PTPRT: variants seen among roughly 807,000 people sequenced by gnomAD.
PTPRT encodes receptor-type tyrosine-protein phosphatase T.
A neutral mutation model predicts 176.8 loss-of-function variants in PTPRT; 56 were observed. That is an observed-to-expected ratio of 0.32 (90% CI 0.26 to 0.40). The LOEUF (loss-of-function observed/expected upper bound fraction) is 0.40, where lower values mean the gene tolerates loss of function less well. Ranked by LOEUF, PTPRT falls within the 10% of genes least tolerant of loss-of-function variation. The pLI, the probability that PTPRT is intolerant of heterozygous loss-of-function variation, is 1.00. For missense variants in PTPRT, 1,540 were observed against 1,908.2 expected (o/e 0.81, Z 3.60); for synonymous variants, 783 against 739.0 (o/e 1.06, Z -0.96).
intron 30 of PTPRT, 33 bp from the exon 31 acceptor site, chr20:42,080,965 G>A (rs1185872869): frequency 2.7e-6 from 4 of 1,503,594 alleles, no homozygotes; most frequent in African/African-American, 2.8e-5. Flanking sequence ...GGCAGAGAGG[G>A]AGAAGAGGAG....
At chr20:42,609,376 C>T (rs1002347449) in intron 7 of PTPRT, among the ~76,000 whole-genome samples, 1 of 152,090 alleles carries the variant, frequency 6.6e-6, no homozygotes, top group African/African-American at 2.4e-5. Context: ...ACCCAGCCCC[C>T]AACACTTTGA....
intron 1 of PTPRT, among the ~76,000 whole-genome samples, chr20:43,047,060 C>T (rs901795943): frequency 6.6e-6 from 1 of 151,870 alleles, no homozygotes; most frequent in Non-Finnish European, 1.5e-5. Flanking sequence ...TTTTCAATAC[C>T]GCCCTCCCTT....
At chr20:42,259,905 T>G (rs1245622860) in intron 13 of PTPRT, among the ~76,000 whole-genome samples, 1 of 152,216 alleles carries the variant, frequency 6.6e-6, no homozygotes, top group African/African-American at 2.4e-5. Flanking sequence ...ATCCATTACC[T>G]TGGTCTCATT....
chr20:42,749,818 T>C (rs1185109481), intron 6 of PTPRT, among the ~76,000 whole-genome samples: 1 of 152,136 alleles, frequency 6.6e-6, no homozygotes. Flanking sequence ...CATTCCATCT[T>C]TAAACTAGAG....
chr20:42,502,215 T>C (rs1212544975), intron 7 of PTPRT, among the ~76,000 whole-genome samples: 1 of 152,080 alleles, frequency 6.6e-6, no homozygotes, highest in African/African-American at 2.4e-5. Context: ...TCATTTCATA[T>C]ATAAAAAGAG....
chr20:42,175,460 T>G (rs1161474783), intron 16 of PTPRT, among the ~76,000 whole-genome samples: 1 of 152,100 alleles, frequency 6.6e-6, no homozygotes, highest in Non-Finnish European at 1.5e-5. Context: ...CTCAAGTCAA[T>G]TCCTCCTCTA....
intron 1 of PTPRT, among the ~76,000 whole-genome samples, chr20:42,990,137 CT>C (rs1237927975): frequency 4.6e-5 from 7 of 152,184 alleles, no homozygotes; most frequent in African/African-American, 1.7e-4. Flanking sequence ...AACATATGCA[CT>C]TTTAAAAGAC....
intron 1 of PTPRT, among the ~76,000 whole-genome samples, chr20:43,081,701 G>A (rs2011448410): frequency 6.6e-6 from 1 of 152,100 alleles, no homozygotes; most frequent in East Asian, 1.9e-4. Flanking sequence ...CTGACTTTCT[G>A]ACCTAGAATA....
At chr20:43,012,757 G>A (rs1985191393) in intron 1 of PTPRT, among the ~76,000 whole-genome samples, 1 of 152,068 alleles carries the variant, frequency 6.6e-6, no homozygotes, top group African/African-American at 2.4e-5. Context: ...CAGCCCACAG[G>A]AGCCACCGGG....
intron 14 of PTPRT, among the ~76,000 whole-genome samples, chr20:42,241,006 G>GCA (rs1377240341): frequency 1.3e-5 from 2 of 152,138 alleles, no homozygotes; most frequent in Non-Finnish European, 2.9e-5. Flanking sequence ...ACCTTATGAG[G>GCA]CATTATTATC....
chr20:42,991,950 T>C (rs1261916563), intron 1 of PTPRT, among the ~76,000 whole-genome samples: 1 of 152,166 alleles, frequency 6.6e-6, no homozygotes, highest in East Asian at 1.9e-4. Context: ...ATACAGCCAA[T>C]AAACTTTTCA....
intron 5 of PTPRT, among the ~76,000 whole-genome samples, chr20:42,765,292 T>C (rs933963311): frequency 2.0e-5 from 3 of 152,134 alleles, no homozygotes; most frequent in Non-Finnish European, 4.4e-5. Flanking sequence ...CCCTGAGTAA[T>C]TCAAGGAAAG....
chr20:42,336,763 C>T (rs954710510), intron 11 of PTPRT, among the ~76,000 whole-genome samples: 8 of 152,068 alleles, frequency 5.3e-5, no homozygotes, highest in South Asian at 2.1e-4. Context: ...CTAAGAATTA[C>T]GCAAAAAGCT....
intron 1 of PTPRT, among the ~76,000 whole-genome samples, chr20:42,968,478 T>A (rs1213522121): frequency 6.6e-6 from 1 of 152,082 alleles, no homozygotes; most frequent in East Asian, 1.9e-4. Flanking sequence ...CCAAATGAAC[T>A]AATAAGTGGA....
intron 12 of PTPRT, among the ~76,000 whole-genome samples, chr20:42,312,526 T>C: frequency 6.6e-6 from 1 of 152,180 alleles, no homozygotes; most frequent in Non-Finnish European, 1.5e-5. Flanking sequence ...GTGTGTAGTT[T>C]TTCCTTTGCC....
intron 8 of PTPRT, among the ~76,000 whole-genome samples, chr20:42,456,496 G>A (rs2070928066): frequency 6.6e-6 from 1 of 151,868 alleles, no homozygotes; most frequent in South Asian, 2.1e-4. Flanking sequence ...AGGTTTTTTA[G>A]TTATCTTTAT....
intron 1 of PTPRT, among the ~76,000 whole-genome samples, chr20:43,067,173 G>C (rs1391037777): frequency 6.6e-6 from 1 of 152,202 alleles, no homozygotes; most frequent in African/African-American, 2.4e-5. Flanking sequence ...ACATGCTACA[G>C]TATGGATGAG....
intron 2 of PTPRT, among the ~76,000 whole-genome samples, chr20:42,804,792 T>A (rs1209846953): frequency 1.3e-5 from 2 of 152,204 alleles, no homozygotes; most frequent in South Asian, 2.1e-4. Flanking sequence ...CTCCTCCTTA[T>A]CTCTGCCTTC....
intron 15 of PTPRT, among the ~76,000 whole-genome samples, chr20:42,216,378 G>T (rs756246776): frequency 4.6e-5 from 7 of 152,222 alleles, no homozygotes; most frequent in Non-Finnish European, 1.0e-4. Context: ...GAACAAGCGG[G>T]TATCCTGTAA....
Sources: allele counts gnomAD v4.1 joint callset (sites outside exome capture counted in the v4.1 genomes callset), GRCh38; gene constraint gnomAD v4.1.1; transcripts MANE v1.5; gene names NCBI Gene and HGNC (gene_info 2026-07-23, HGNC 2026-07-21).